Variants in RERE observed in about 807,000 individuals in gnomAD.
RERE encodes the protein arginine-glutamic acid dipeptide repeats protein.
RERE carries 40 observed loss-of-function variants against 146.1 expected under a neutral mutation model. The ratio of observed to expected loss-of-function variants is 0.27; its 90% CI spans 0.21 to 0.36. RERE has a LOEUF of 0.36. Among genes scored for constraint, RERE ranks in the 10% least tolerant of loss-of-function variants. RERE has a pLI of 1.00. For synonymous variants in RERE, 1,003 were observed against 866.0 expected (o/e 1.16, Z -2.78); for missense variants, 1,933 against 2,138.7 (o/e 0.90, Z 1.90).
chr1:8,411,804 C>T (rs1266282426), intron 12 of RERE, among the ~76,000 whole-genome samples: 2 of 152,034 alleles, frequency 1.3e-5, no homozygotes, highest in Admixed American at 6.6e-5. Context: ...TCACATTATC[C>T]AAAACGTGTA....
rs183891208 is a variant in RERE at position 8,416,325 on chromosome 1, C to T, written c.1284+6402G>A. Among the ~76,000 whole-genome samples, 211 of 152,274 alleles carry T rather than the reference C, an allele frequency of 1.4e-3. 2 individuals carry two copies. The highest frequency in any genetic ancestry group is 4.8e-3 in the African/African-American group (199 of 41,552). ...TCACGGTCAGGCGCGGTGGCTCACA[C>T]CTGTAATCCCAGCACTTTGGGAGGC... is the stretch of plus-strand genomic sequence containing the variant. On this transcript the variant is annotated intron_variant, in intron 12 of 22. Transcript: ENST00000400908.
chr1:8,416,517 C>T (rs1379907022), intron 12 of RERE, among the ~76,000 whole-genome samples: 2 of 144,510 alleles, frequency 1.4e-5, no homozygotes, highest in Non-Finnish European at 3.0e-5. Flanking sequence ...ACCTGGGAGG[C>T]GGAGCTTGCA....
intron 7 of RERE, chr1:8,512,058 G>A (rs552818318): frequency 2.1e-4 from 16 of 75,922 alleles, no homozygotes; most frequent in African/African-American, 6.3e-4. Flanking sequence ...ACGGAGTCTC[G>A]CTCTGTCGCC....
intron 7 of RERE, among the ~76,000 whole-genome samples, chr1:8,531,004 GT>G (rs1266622052): frequency 1.1e-4 from 16 of 145,304 alleles, no homozygotes; most frequent in African/African-American, 3.8e-4. Flanking sequence ...ACTGAACTGA[GT>G]TTTCTATCTA....
intron 1 of RERE, among the ~76,000 whole-genome samples, chr1:8,730,296 G>C (rs1161468196): frequency 6.6e-6 from 1 of 152,160 alleles, no homozygotes; most frequent in Non-Finnish European, 1.5e-5. Flanking sequence ...GACTCTCCCT[G>C]TAACTTAGAA....
intron 2 of RERE, among the ~76,000 whole-genome samples, chr1:8,649,454 G>A (rs768321381): frequency 7.2e-5 from 11 of 152,006 alleles, no homozygotes; most frequent in Non-Finnish European, 1.2e-4. Flanking sequence ...TACAGGCTGG[G>A]CGCGGTGGCT....
chr1:8,791,807 A>G (rs528251237), intron 1 of RERE, among the ~76,000 whole-genome samples: 71 of 151,870 alleles, frequency 4.7e-4, no homozygotes, highest in Admixed American at 9.8e-4. Context: ...TTTCAAACCT[A>G]TAACTCTTTA....
At chr1:8,639,520 G>A (rs1438852168) in intron 2 of RERE, among the ~76,000 whole-genome samples, 2 of 152,120 alleles carry the variant, frequency 1.3e-5, no homozygotes, top group Admixed American at 6.5e-5. Context: ...AGAATAAACT[G>A]GAAATCAAGT....
rs778061502 is a variant in RERE at position 8,359,782 on chromosome 1, G to GCGCTCCCGCTCT, written c.3588_3599dup (p.Arg1198_Glu1201dup). On this transcript the variant is annotated inframe_insertion, in exon 19 of 23. Transcript: ENST00000400908. ...GACTCACAGCCGCCCGCTCTGCCTC[G>GCGCTCCCGCTCT]CGCTCCCGCTCTCGCTCCCGCTCCC... 15 of 1,601,050 alleles carry GCGCTCCCGCTCT rather than the reference G, an allele frequency of 9.4e-6. No individual in the cohort carries two copies. The highest frequency in any genetic ancestry group is 5.0e-5 in the Admixed American group (3 of 59,862).
chr1:8,516,227 G>GAAGAAAAAAAAAAAAAAA (rs1553178725), intron 7 of RERE, among the ~76,000 whole-genome samples: 2 of 52,304 alleles, frequency 3.8e-5, no homozygotes, highest in Non-Finnish European at 6.5e-5. Context: ...TCTCTCAGAG[G>GAAGAAAAAAAAAAAAAAA]AAAAAAAAAA....
chr1:8,355,623 G>A (rs374863203), intron 21 of RERE, 24 bp from the exon 22 acceptor site: 77 of 1,549,156 alleles, frequency 5.0e-5, no homozygotes, highest in Non-Finnish European at 6.1e-5. Flanking sequence ...AACAACCTGC[G>A]CTACAGAAAT....
chr1:8,764,221 A>G (rs1396022379), intron 1 of RERE, among the ~76,000 whole-genome samples: 1 of 152,114 alleles, frequency 6.6e-6, no homozygotes, highest in Non-Finnish European at 1.5e-5. Flanking sequence ...CTCAGAGTAC[A>G]CATGGGTTTT....
intron 1 of RERE, among the ~76,000 whole-genome samples, chr1:8,794,121 G>C (rs1435645093): frequency 6.6e-6 from 1 of 150,898 alleles, no homozygotes; most frequent in Non-Finnish European, 1.5e-5. Context: ...CTGAAGGCTG[G>C]GCGCGGTGGC....
At chr1:8,639,052 C>T (rs542488036) in intron 2 of RERE, among the ~76,000 whole-genome samples, 4 of 152,060 alleles carry the variant, frequency 2.6e-5, no homozygotes, top group South Asian at 2.1e-4. Context: ...GGATTACAGG[C>T]GTGAGCCACC....
intron 1 of RERE, among the ~76,000 whole-genome samples, chr1:8,798,133 G>A (rs530186405): frequency 1.5e-4 from 23 of 152,254 alleles, no homozygotes; most frequent in Admixed American, 8.5e-4. Flanking sequence ...AGTGGCTCAC[G>A]CCTGTAATCC....
At chr1:8,785,709 C>T (rs1412531437) in intron 1 of RERE, among the ~76,000 whole-genome samples, 1 of 152,154 alleles carries the variant, frequency 6.6e-6, no homozygotes, top group Non-Finnish European at 1.5e-5. Flanking sequence ...GCAACCTCCG[C>T]CTCCCGGGTT....
chr1:8,701,287 TACACAC>T (rs745905637), intron 1 of RERE, among the ~76,000 whole-genome samples: 58 of 93,724 alleles, frequency 6.2e-4, no homozygotes, highest in Middle Eastern at 4.0e-3. Flanking sequence ...GTGAGGGGAA[TACACAC>T]ACACACACAC....
intron 1 of RERE, among the ~76,000 whole-genome samples, chr1:8,766,350 G>A (rs895242642): frequency 6.6e-6 from 1 of 152,016 alleles, no homozygotes; most frequent in Non-Finnish European, 1.5e-5. Context: ...GACCAGCCTG[G>A]CCAACATGGT....
intron 1 of RERE, among the ~76,000 whole-genome samples, chr1:8,782,036 T>C (rs1215086287): frequency 6.6e-6 from 1 of 152,140 alleles, no homozygotes; most frequent in African/African-American, 2.4e-5. Context: ...CCTATTTCTC[T>C]ATTCTCCTTT....
Sources: allele counts gnomAD v4.1 joint callset (sites outside exome capture counted in the v4.1 genomes callset), GRCh38; gene constraint gnomAD v4.1.1; transcripts MANE v1.5; gene names NCBI Gene and HGNC (gene_info 2026-07-23, HGNC 2026-07-21).